HS3ST5: variants seen among roughly 807,000 people sequenced by gnomAD.
The protein encoded by HS3ST5 is heparan sulfate-glucosamine 3-sulfotransferase 5, also known as heparan sulfate glucosamine 3-O-sulfotransferase 5.
Under a neutral mutation model 25.4 loss-of-function variants are expected in HS3ST5, and 10 were observed. That is an observed-to-expected ratio of 0.39 (90% confidence interval 0.24 to 0.67). HS3ST5 has a LOEUF of 0.67. Among genes scored for constraint, HS3ST5 ranks in the 30% least tolerant of loss-of-function variants. The pLI is 0.44. For missense variants in HS3ST5, 324 were observed against 420.7 expected, an observed-to-expected ratio of 0.77 and a Z score of 2.01; for synonymous variants, 170 against 162.4, an observed-to-expected ratio of 1.05 and a Z score of -0.36.
At chr6:114,145,257 C>T (rs1245526290) in intron 3 of HS3ST5, among the ~76,000 whole-genome samples, 1 of 152,158 alleles carries the variant, frequency 6.6e-6, no homozygotes, top group Non-Finnish European at 1.5e-5. Context: ...GACTGCCTTG[C>T]TAAAACAAAA....
intron 2 of HS3ST5, among the ~76,000 whole-genome samples, chr6:114,181,071 A>T (rs563736565): frequency 1.3e-5 from 2 of 151,922 alleles, no homozygotes; most frequent in African/African-American, 2.4e-5. Context: ...AACTGTTAAA[A>T]CTCTCCCTGT....
intron 2 of HS3ST5, among the ~76,000 whole-genome samples, chr6:114,226,706 G>A (rs1382439034): frequency 6.6e-6 from 1 of 151,852 alleles, no homozygotes; most frequent in Non-Finnish European, 1.5e-5. Context: ...TGCATGTTTT[G>A]CTTCCTGCGT....
intron 3 of HS3ST5, among the ~76,000 whole-genome samples, chr6:114,117,142 T>G (rs530097621): frequency 1.4e-4 from 21 of 152,310 alleles, no homozygotes; most frequent in African/African-American, 4.8e-4. Flanking sequence ...GAATTAATTT[T>G]AATTCATTAG....
chr6:114,341,434 T>A (rs1371999652), intron 1 of HS3ST5, among the ~76,000 whole-genome samples: 1 of 152,032 alleles, frequency 6.6e-6, no homozygotes, highest in Non-Finnish European at 1.5e-5. Context: ...GGTAAAGACA[T>A]CCACCTTAAG....
At chr6:114,153,587 C>G (rs935045258) in intron 3 of HS3ST5, among the ~76,000 whole-genome samples, 11 of 152,180 alleles carry the variant, frequency 7.2e-5, no homozygotes, top group African/African-American at 2.7e-4. Context: ...TTATCATATT[C>G]TGTCTTATCT....
chr6:114,064,365 A>T (rs983916360), intron 3 of HS3ST5, among the ~76,000 whole-genome samples: 21 of 152,238 alleles, frequency 1.4e-4, no homozygotes, highest in African/African-American at 4.8e-4. Flanking sequence ...AAAACTGATA[A>T]TGTGATTAGG....
intron 2 of HS3ST5, among the ~76,000 whole-genome samples, chr6:114,180,709 T>A (rs951168910): frequency 1.3e-5 from 2 of 152,238 alleles, no homozygotes; most frequent in African/African-American, 4.8e-5. Flanking sequence ...GACATTTCTA[T>A]CTTTATTCCA....
intron 3 of HS3ST5, among the ~76,000 whole-genome samples, chr6:114,067,213 A>G (rs760734571): frequency 5.3e-5 from 8 of 152,150 alleles, no homozygotes; most frequent in Non-Finnish European, 1.2e-4. Flanking sequence ...CCCAATATGC[A>G]TTCCACTGGT....
intron 1 of HS3ST5, among the ~76,000 whole-genome samples, chr6:114,306,217 A>C (rs1775281350): frequency 6.9e-6 from 1 of 145,614 alleles, no homozygotes; most frequent in Admixed American, 7.0e-5. Context: ...TTTAAGGCAA[A>C]GCTTCTGTAA....
intron 3 of HS3ST5, among the ~76,000 whole-genome samples, chr6:114,098,933 G>A (rs1775586455): frequency 6.6e-6 from 1 of 152,106 alleles, no homozygotes; most frequent in African/African-American, 2.4e-5. Context: ...TTATGCACTG[G>A]TGCCAACACA....
intron 3 of HS3ST5, among the ~76,000 whole-genome samples, chr6:114,063,945 G>T (rs1334901): frequency 0.17 from 25,118 of 152,158 alleles, 2,336 homozygotes; most frequent in African/African-American, 0.26. Context: ...TGGAAGCTCT[G>T]TTCTCATATA....
intron 1 of HS3ST5, among the ~76,000 whole-genome samples, chr6:114,239,417 G>A (rs986897671): frequency 6.6e-6 from 1 of 152,138 alleles, no homozygotes; most frequent in Non-Finnish European, 1.5e-5. Flanking sequence ...GCGCCAAATG[G>A]GGCTAAAAGT....
intron 2 of HS3ST5, among the ~76,000 whole-genome samples, chr6:114,225,886 A>C (rs1233159197): frequency 6.6e-6 from 1 of 151,920 alleles, no homozygotes; most frequent in Non-Finnish European, 1.5e-5. Flanking sequence ...CTTGAAGTAA[A>C]ATTACACAGC....
intron 2 of HS3ST5, among the ~76,000 whole-genome samples, chr6:114,209,088 G>T (rs1179397867): frequency 6.6e-6 from 1 of 152,116 alleles, no homozygotes; most frequent in African/African-American, 2.4e-5. Context: ...AGGTGTGGGG[G>T]CTGTGGAATC....
intron 1 of HS3ST5, among the ~76,000 whole-genome samples, chr6:114,232,049 T>G (rs1213008090): frequency 1.3e-5 from 2 of 152,210 alleles, no homozygotes; most frequent in African/African-American, 4.8e-5. Context: ...GTATTTACAT[T>G]ACTTTCAATT....
intron 1 of HS3ST5, among the ~76,000 whole-genome samples, chr6:114,238,058 A>G (rs6906286): frequency 0.026 from 4,023 of 152,338 alleles, 168 homozygotes; most frequent in African/African-American, 0.091. Flanking sequence ...CAAAAAGATA[A>G]TCATGATAGT....
intron 2 of HS3ST5, among the ~76,000 whole-genome samples, chr6:114,170,087 CA>C (rs959078960): frequency 1.8e-4 from 28 of 151,960 alleles, no homozygotes; most frequent in African/African-American, 6.5e-4. Flanking sequence ...TAAGAGCTAA[CA>C]AAAAATGATT....
chr6:114,308,382 G>A (rs539423630), intron 1 of HS3ST5, among the ~76,000 whole-genome samples: 7 of 152,032 alleles, frequency 4.6e-5, no homozygotes, highest in Non-Finnish European at 8.8e-5. Flanking sequence ...TCAGGAGATC[G>A]AGACCGTCAT....
chr6:114,340,268 T>G (rs533900221), intron 1 of HS3ST5, among the ~76,000 whole-genome samples: 1 of 152,322 alleles, frequency 6.6e-6, no homozygotes, highest in East Asian at 1.9e-4. Context: ...GCTGTAATAC[T>G]CCATTGAATA....
Sources: gnomAD v4.1 joint callset for allele counts (sites outside exome capture counted in the v4.1 genomes callset) on GRCh38, gnomAD v4.1.1 for gene constraint, MANE v1.5 for transcripts, NCBI Gene and HGNC (gene_info 2026-07-23, HGNC 2026-07-21) for gene names.